The following TM9SF2 variants were observed in gnomAD, a reference collection of about 807,000 sequenced individuals.
TM9SF2 encodes the protein 76 kDa membrane protein.
In TM9SF2, 13 loss-of-function variants were observed where a neutral mutation model predicts 84.9. That is an observed-to-expected ratio of 0.15 (90% CI 0.10 to 0.24). TM9SF2 has a LOEUF of 0.24. TM9SF2 is among the 10% of genes least tolerant of loss of function. The pLI is 1.00. For synonymous variants in TM9SF2, 273 were observed against 285.8 expected (o/e 0.96, Z 0.45); for missense variants, 562 against 818.5 (o/e 0.69, Z 3.82).
At position 99,552,467 on chromosome 13, in the gene TM9SF2, A is replaced by G. The variant is rs1331717059; in HGVS notation, c.1488+141A>G. ...GGATTTCATAGAATATTTTTAAAAT[A>G]GTAGTATTATTTAGGAGCGTGGTAG... On this transcript the variant is annotated intron_variant, in intron 13 of 16. Transcript: ENST00000376387. 26 of 911,766 alleles carry G rather than the reference A, an allele frequency of 2.9e-5. No individual in the cohort carries two copies. In the South Asian group the frequency reaches 5.3e-4, roughly 19 times the overall value. 56.5% of individuals were successfully genotyped at this position (911,766 alleles called of 1,614,324 possible). A position where few individuals can be genotyped will look rare whatever the true frequency, so the allele number is the denominator to read the frequency against.
intron 1 of TM9SF2, among the ~76,000 whole-genome samples, chr13:99,514,864 C>T (rs12584279): frequency 0.097 from 14,811 of 152,192 alleles, 870 homozygotes; most frequent in East Asian, 0.21. Flanking sequence ...ATAGTAAATA[C>T]GGTACTTTAT....
At chr13:99,503,709 C>CAAAAAAAAAAA (rs386380419) in intron 1 of TM9SF2, among the ~76,000 whole-genome samples, 1 of 78,480 alleles carries the variant, frequency 1.3e-5, no homozygotes, top group Non-Finnish European at 2.5e-5. Flanking sequence ...GACTTTGTCT[C>CAAAAAAAAAAA]AAAAAAAAAA....
At chr13:99,535,492 CAA>C (rs762063367) in intron 4 of TM9SF2, among the ~76,000 whole-genome samples, 4 of 152,146 alleles carry the variant, frequency 2.6e-5, no homozygotes, top group Admixed American at 6.5e-5. Flanking sequence ...TTCTATATAA[CAA>C]TGCGTTTATG....
chr13:99,520,252 G>T, intron 3 of TM9SF2, 123 bp downstream of exon 3: 2 of 753,436 alleles, frequency 2.7e-6, no homozygotes. Context: ...TTTCATCTAG[G>T]AATAGGTTCT....
chr13:99,529,852 T>C (rs1172646633), intron 4 of TM9SF2, among the ~76,000 whole-genome samples: 4 of 152,006 alleles, frequency 2.6e-5, no homozygotes, highest in Non-Finnish European at 5.9e-5. Context: ...GTACATAGAG[T>C]AGTTATTTTT....
chr13:99,525,749 G>A (rs1468172335), intron 3 of TM9SF2, among the ~76,000 whole-genome samples: 1 of 151,702 alleles, frequency 6.6e-6, no homozygotes, highest in Non-Finnish European at 1.5e-5. Flanking sequence ...TAGAGATGGG[G>A]TTTCACTGTG....
rs1484231382 is a variant in TM9SF2 at position 99,536,745 on chromosome 13, C to T, written c.591+8C>T. ...GATGCCTGTGTTATTAGTGTAAGTTCATGATAAACTCTTTGCTGCTTTTTA... is the reference window on the plus strand; with the variant it reads ...GATGCCTGTGTTATTAGTGTAAGTTTATGATAAACTCTTTGCTGCTTTTTA... On this transcript the variant is annotated splice_region_variant and intron_variant, in intron 5 of 16. Transcript: ENST00000376387. 6.2e-7 allele frequency: 1 copy of T among 1,611,956 alleles called. No individual in the cohort carries two copies. The highest frequency in any genetic ancestry group is 2.2e-5 in the East Asian group (1 of 44,790).
intron 14 of TM9SF2, among the ~76,000 whole-genome samples, chr13:99,554,999 T>TTC (rs1211172069): frequency 6.6e-6 from 1 of 152,254 alleles, no homozygotes; most frequent in Non-Finnish European, 1.5e-5. Context: ...TTTTGAGCCA[T>TTC]TCTGTGTGTG....
Position 99,554,284 on chromosome 13 carries a change from C to T in TM9SF2, c.1489-20C>T. 2.5e-6 allele frequency: 4 copies of T among 1,600,370 alleles called. No individual in the cohort carries two copies. Among genetic ancestry groups the T allele is most frequent in the Non-Finnish European group, 3.4e-6 (4 of 1,173,380 alleles). On this transcript the variant is annotated intron_variant, in intron 13 of 16. Coordinates refer to ENST00000376387, the MANE Select transcript of TM9SF2 (RefSeq NM_004800.3). The stretch of plus-strand genomic sequence containing the variant: ...GACAGATACGTAATTATGAATTCTT[C>T]CTTCCTTTTTTTACTGAAGGCCATT...
intron 1 of TM9SF2, among the ~76,000 whole-genome samples, chr13:99,507,499 G>A (rs1204676820): frequency 2.0e-5 from 3 of 151,990 alleles, no homozygotes; most frequent in South Asian, 2.1e-4. Context: ...TACTTCTTTC[G>A]TTGATATAGT....
intron 16 of TM9SF2, among the ~76,000 whole-genome samples, chr13:99,561,614 G>A (rs1281796145): frequency 2.6e-5 from 4 of 152,198 alleles, no homozygotes. Flanking sequence ...CATGTACAAT[G>A]TAAGGATGGA....
intron 1 of TM9SF2, 58 bp from the exon 2 acceptor site, chr13:99,517,556 G>A: frequency 8.8e-7 from 1 of 1,135,244 alleles, no homozygotes; most frequent in East Asian, 2.6e-5. Context: ...TTCTAAGCAT[G>A]ACTTAAGGCT....
At chr13:99,509,536 CT>C in intron 1 of TM9SF2, among the ~76,000 whole-genome samples, 1 of 152,388 alleles carries the variant, frequency 6.6e-6, no homozygotes, top group Middle Eastern at 3.4e-3. Context: ...GCCACCAAGA[CT>C]TACGGCTTGC....
intron 1 of TM9SF2, among the ~76,000 whole-genome samples, chr13:99,513,207 A>G (rs1566563367): frequency 2.0e-5 from 3 of 152,218 alleles, no homozygotes; most frequent in Admixed American, 6.5e-5. Flanking sequence ...CTATACTTAC[A>G]TGAAACTTTA....
chr13:99,529,694 A>G, intron 4 of TM9SF2, 100 bp downstream of exon 4: 1 of 1,255,790 alleles, frequency 8.0e-7, no homozygotes, highest in Non-Finnish European at 1.0e-6. Context: ...AATATAGCAA[A>G]TTAATTGATT....
intron 10 of TM9SF2, among the ~76,000 whole-genome samples, chr13:99,545,143 T>G (rs2046277496): frequency 6.6e-6 from 1 of 152,238 alleles, no homozygotes; most frequent in Non-Finnish European, 1.5e-5. Flanking sequence ...ATTTATTTTT[T>G]ATGTTTGATT....
At chr13:99,553,689 C>T (rs186277677) in intron 13 of TM9SF2, among the ~76,000 whole-genome samples, 60 of 152,306 alleles carry the variant, frequency 3.9e-4, no homozygotes, top group African/African-American at 1.3e-3. Flanking sequence ...TGACTTTCTA[C>T]ATCTGTACTG....
intron 10 of TM9SF2, among the ~76,000 whole-genome samples, chr13:99,546,581 A>T (rs937830135): frequency 1.8e-4 from 26 of 142,670 alleles, no homozygotes; most frequent in Non-Finnish European, 2.8e-4. Context: ...TTTTTTTTTT[A>T]CCCCCAGAGG....
chr13:99,545,355 A>G (rs2046278275), intron 10 of TM9SF2, among the ~76,000 whole-genome samples: 1 of 152,088 alleles, frequency 6.6e-6, no homozygotes, highest in African/African-American at 2.4e-5. Context: ...TAATCTACTA[A>G]CAACTTAAGG....
Sources: allele counts gnomAD v4.1 joint callset (sites outside exome capture counted in the v4.1 genomes callset), GRCh38; gene constraint gnomAD v4.1.1; transcripts MANE v1.5; gene names NCBI Gene and HGNC (gene_info 2026-07-23, HGNC 2026-07-21).